Variants in MYO10 observed in about 807,000 individuals in gnomAD.
MYO10 encodes the protein unconventional myosin-X.
A neutral mutation model predicts 257.3 loss-of-function variants in MYO10; 133 were observed. That is an observed-to-expected ratio of 0.52 (90% CI 0.45 to 0.60). MYO10 has a LOEUF of 0.60. Among genes scored for constraint, MYO10 ranks in the 20% least tolerant of loss-of-function variants. The pLI, the probability that MYO10 is intolerant of heterozygous loss-of-function variation, is 0.00. For synonymous variants in MYO10, 1,104 were observed against 1,028.6 expected, an observed-to-expected ratio of 1.07 and a Z score of -1.40; for missense variants, 2,399 against 2,635.7, an observed-to-expected ratio of 0.91 and a Z score of 1.97.
intron 28 of MYO10, among the ~76,000 whole-genome samples, chr5:16,689,295 T>C (rs1450697087): frequency 6.6e-6 from 1 of 152,286 alleles, no homozygotes; most frequent in African/African-American, 2.4e-5. Flanking sequence ...TGAAATATAA[T>C]TGTGATTACT....
intron 27 of MYO10, 133 bp from the exon 28 acceptor site, chr5:16,690,052 T>C: frequency 1.5e-6 from 1 of 663,998 alleles, no homozygotes; most frequent in East Asian, 2.7e-5. Context: ...CAGTTGGCTC[T>C]CCATATCTGC....
chr5:16,852,644 G>A (rs1432634131), intron 2 of MYO10, among the ~76,000 whole-genome samples: 3 of 151,492 alleles, frequency 2.0e-5, no homozygotes, highest in Non-Finnish European at 4.4e-5. Flanking sequence ...AAGATAGCCC[G>A]CAAAAATTGA....
intron 36 of MYO10, 124 bp from the exon 37 acceptor site, chr5:16,672,949 A>C: frequency 1.8e-6 from 2 of 1,116,296 alleles, no homozygotes; most frequent in Non-Finnish European, 2.5e-6. Flanking sequence ...GCCTCCTAAA[A>C]ATGTTACCCG....
At chr5:16,897,302 TA>T (rs3060810) in intron 1 of MYO10, among the ~76,000 whole-genome samples, 14,106 of 128,980 alleles carry the variant, frequency 0.11, 803 homozygotes, top group East Asian at 0.18. Flanking sequence ...TTACACTTCG[TA>T]AAAAAAAAAA....
At chr5:16,835,090 T>C (rs1016981004) in intron 2 of MYO10, among the ~76,000 whole-genome samples, 6 of 151,746 alleles carry the variant, frequency 4.0e-5, no homozygotes, top group Non-Finnish European at 7.4e-5. Flanking sequence ...GGCAAGAGAA[T>C]TGCTTGAACC....
chr5:16,674,393 C>T (rs1321837619), intron 35 of MYO10, among the ~76,000 whole-genome samples: 1 of 152,036 alleles, frequency 6.6e-6, no homozygotes, highest in Non-Finnish European at 1.5e-5. Context: ...CGCTTGAACC[C>T]AGGAGGCAGA....
intron 32 of MYO10, 61 bp downstream of exon 32, chr5:16,681,248 C>T: frequency 6.7e-7 from 1 of 1,502,376 alleles, no homozygotes; most frequent in Non-Finnish European, 9.0e-7. Context: ...TATTCCTTTG[C>T]CCGGAGCAAG....
At chr5:16,711,399 ACCC>A (rs1156782126) in intron 19 of MYO10, among the ~76,000 whole-genome samples, 154 bp from the exon 20 acceptor site, 1 of 152,076 alleles carries the variant, frequency 6.6e-6, no homozygotes, top group Non-Finnish European at 1.5e-5. Context: ...TAGCACAGGA[ACCC>A]CAGTGGAACC....
intron 9 of MYO10, among the ~76,000 whole-genome samples, chr5:16,779,318 T>A (rs1308264252): frequency 6.6e-6 from 1 of 152,084 alleles, no homozygotes; most frequent in African/African-American, 2.4e-5. Flanking sequence ...GAATGACACA[T>A]TCGCTCATCT....
rs868743819 is a variant in MYO10 at position 16,846,571 on chromosome 5, G to A, written c.121-28404C>T. On this transcript the variant is annotated intron_variant, in intron 2 of 40. Transcript: ENST00000513610. ...TTTGCTGTCAAAAATAGTTGAAACC[G>A]GTTGAGAAGGAGGGTGGCCACAAAC... 9.2e-5 allele frequency among the ~76,000 whole-genome samples: 14 copies of A among 152,304 alleles called. No individual in the cohort carries two copies. In the South Asian group the frequency reaches 1.7e-3, roughly 18 times the overall value.
rs257048 is a variant in MYO10 at position 16,694,258 on chromosome 5, G to A, written c.3800+113C>T. On this transcript the variant is annotated intron_variant, in intron 27 of 40. Transcript: ENST00000513610. ...TTTAACCTACTGAACTGAACTATCA[G>A]GACACCTGCTACAGGCTACTGCCGC... 20,422 of 1,501,132 alleles carry A rather than the reference G, an allele frequency of 0.014. 1,190 individuals are homozygous for A. The African/African-American group carries it at 0.18, about 13-fold the overall frequency. The allele number at this position is 1,501,132 out of a possible 1,614,324, so 93.0% of individuals were successfully genotyped here. A position where few individuals can be genotyped will look rare whatever the true frequency, so the allele number is the denominator to read the frequency against.
chr5:16,752,103 C>A (rs1034061725), intron 19 of MYO10, among the ~76,000 whole-genome samples: 2 of 152,092 alleles, frequency 1.3e-5, no homozygotes, highest in African/African-American at 2.4e-5. Flanking sequence ...AACAGAAACA[C>A]TGGGGACTGA....
rs377685182 is a variant in MYO10, at chr5:16,725,927, A to G, written c.1930-14682T>C. 5.5e-4 allele frequency among the ~76,000 whole-genome samples: 83 copies of G among 152,078 alleles called. No individual in the cohort carries two copies. The East Asian group carries it at 0.012, about 22-fold the overall frequency. On this transcript the variant is annotated intron_variant, in intron 19 of 40. Coordinates refer to ENST00000513610, the MANE Select transcript of MYO10 (RefSeq NM_012334.3). ...CTCAGCCTCCCAAGTAGCTAGGATT[A>G]TAGGCGCACGCTGCCACGCCAGGCT...
intron 27 of MYO10, among the ~76,000 whole-genome samples, chr5:16,691,727 A>G (rs905691438): frequency 4.6e-5 from 7 of 151,696 alleles, no homozygotes; most frequent in African/African-American, 1.7e-4. Flanking sequence ...CAAGATCAGA[A>G]CTACTGCTGA....
At chr5:16,832,829 T>G (rs1391909267) in intron 2 of MYO10, among the ~76,000 whole-genome samples, 1 of 152,230 alleles carries the variant, frequency 6.6e-6, no homozygotes, top group African/African-American at 2.4e-5. Flanking sequence ...CCTGTTCACC[T>G]TGTGGCTACT....
chr5:16,891,413 G>A (rs962099076), intron 1 of MYO10, among the ~76,000 whole-genome samples: 5 of 151,806 alleles, frequency 3.3e-5, no homozygotes, highest in African/African-American at 7.3e-5. Flanking sequence ...AGGGGCAGGC[G>A]GAGGGGAGAG....
intron 19 of MYO10, among the ~76,000 whole-genome samples, chr5:16,729,931 C>G (rs1289008427): frequency 6.6e-6 from 1 of 152,078 alleles, no homozygotes; most frequent in African/African-American, 2.4e-5. Flanking sequence ...CGCAAAACTA[C>G]TGAGGGGCTC....
chr5:16,681,484 C>A lies in MYO10; in HGVS notation c.4209G>T (p.Val1403=). The change falls in exon 32 of 41, where the codon GTG becomes GTT. Residue 1403 remains valine (V), a synonymous_variant. Transcript: ENST00000513610. ...GTGAAGACATCTTTGGACTGTTCTT[C>A]ACCTCTTTGTGCAACCATCCTGGAA... The part of the protein sequence containing the change: ...FIVRGWLHKE[V]KNSPKMSSLK... 6.2e-7 allele frequency: 1 copy of A among 1,605,996 alleles called. No homozygotes were observed. The highest frequency in any genetic ancestry group is 8.5e-7 in the Non-Finnish European group (1 of 1,178,068).
At chr5:16,699,676 A>G (rs1737936645) in intron 25 of MYO10, 103 bp from the exon 26 acceptor site, 3 of 1,490,974 alleles carry the variant, frequency 2.0e-6, no homozygotes, top group Non-Finnish European at 2.7e-6. Context: ...AAATACAGCT[A>G]CTCAAGAGGC....
Sources: gnomAD v4.1 joint callset for allele counts (sites outside exome capture counted in the v4.1 genomes callset) on GRCh38, gnomAD v4.1.1 for gene constraint, MANE v1.5 for transcripts, NCBI Gene and HGNC (gene_info 2026-07-23, HGNC 2026-07-21) for gene names.